Variants in REV3L observed in about 807,000 individuals in gnomAD.
The protein encoded by REV3L is REV3 like, DNA directed polymerase zeta catalytic subunit, also known as DNA polymerase zeta catalytic subunit.
REV3L carries 69 observed loss-of-function variants against 299.4 expected under a neutral mutation model. That is an observed-to-expected ratio of 0.23 (90% CI 0.19 to 0.28). REV3L has a LOEUF of 0.28. REV3L is among the 10% of genes least tolerant of loss of function. The pLI, the probability that REV3L is intolerant of heterozygous loss-of-function variation, is 1.00. For synonymous variants in REV3L, 1,238 were observed against 1,271.4 expected (o/e 0.97, Z 0.56); for missense variants, 3,128 against 3,693.8 (o/e 0.85, Z 3.97).
chr6:111,429,721 G>A (rs1307457211), intron 1 of REV3L, among the ~76,000 whole-genome samples: 4 of 152,178 alleles, frequency 2.6e-5, no homozygotes, highest in Admixed American at 6.5e-5. Flanking sequence ...GGCCTCGCGG[G>A]CCCCGCTCCC....
intron 1 of REV3L, among the ~76,000 whole-genome samples, chr6:111,428,682 A>AT (rs985836650): frequency 1.3e-5 from 2 of 152,138 alleles, no homozygotes; most frequent in African/African-American, 4.8e-5. Flanking sequence ...AGGAGAAAAA[A>AT]GAAAAAAACC....
rs368081692 is a variant in REV3L at position 111,305,122 on chromosome 6, G to A, written c.9252+2239C>T. ...ACGCCTGGCTAATTTTGTATTTTTA[G>A]TAGAGATGGAATTTCTCCATATTGG... On this transcript the variant is annotated intron_variant, in intron 31 of 31. Transcript: ENST00000368802. Among the ~76,000 whole-genome samples the A allele has an allele frequency of 1.7e-4, 26 of 151,824 alleles. No individual in the cohort carries two copies. In the East Asian group the frequency reaches 2.7e-3, roughly 16 times the overall value.
chr6:111,362,175 T>C (rs900358702), intron 16 of REV3L, among the ~76,000 whole-genome samples: 3 of 152,154 alleles, frequency 2.0e-5, no homozygotes, highest in Non-Finnish European at 2.9e-5. Context: ...CTTCAGGGGC[T>C]AGTATAGACC....
intron 16 of REV3L, among the ~76,000 whole-genome samples, chr6:111,360,470 C>CTTTTTTTT (rs71021836): frequency 7.7e-6 from 1 of 129,538 alleles, no homozygotes; most frequent in African/African-American, 3.2e-5. Flanking sequence ...GTTAAATAAT[C>CTTTTTTTT]TTTTTTTTTT....
At chr6:111,333,760 G>A (rs749772682) in intron 22 of REV3L, among the ~76,000 whole-genome samples, 4 of 152,142 alleles carry the variant, frequency 2.6e-5, no homozygotes, top group Admixed American at 6.6e-5. Context: ...ATAGGCGTGA[G>A]CCACTATGAC....
chr6:111,307,676 C>T (rs240998), intron 30 of REV3L, 106 bp from the exon 31 acceptor site: 159,993 of 1,027,072 alleles, frequency 0.16, 15,449 homozygotes, highest in East Asian at 0.39. Flanking sequence ...TTCGTTCATT[C>T]ACTCATTCAA....
At chr6:111,466,820 C>T (rs1437099145) in intron 1 of REV3L, among the ~76,000 whole-genome samples, 2 of 150,766 alleles carry the variant, frequency 1.3e-5, no homozygotes, top group East Asian at 1.9e-4. Flanking sequence ...CTAGCCTGGG[C>T]GACACAGTGA....
chr6:111,318,760 G>C (rs765150676), intron 26 of REV3L, among the ~76,000 whole-genome samples: 4 of 151,810 alleles, frequency 2.6e-5, no homozygotes, highest in Non-Finnish European at 4.4e-5. Context: ...AGTAGAGACG[G>C]GGTTTCTCCA....
chr6:111,347,998 T>C (rs1312236564), intron 20 of REV3L, among the ~76,000 whole-genome samples: 4 of 152,202 alleles, frequency 2.6e-5, no homozygotes, highest in Admixed American at 2.6e-4. Flanking sequence ...GACGGGGTTT[T>C]GCTGTGTTGC....
At position 111,483,072 on chromosome 6, in the gene REV3L, C is replaced by T. The variant is rs1793972364; in HGVS notation, c.-184G>A. Reference sequence around the variant, plus strand: ...GTGTAGGCGCTGCTGCCGCCGCCTCCTCAGGAGCACCCGGCAAGGGGCCGC... The same window carrying T: ...GTGTAGGCGCTGCTGCCGCCGCCTCTTCAGGAGCACCCGGCAAGGGGCCGC... On this transcript the variant is annotated 5_prime_UTR_variant, in exon 1 of 32. Transcript: ENST00000368802. 1 of 659,172 alleles carries T rather than the reference C, an allele frequency of 1.5e-6. No individual in the cohort carries two copies. Among genetic ancestry groups the T allele is most frequent in the Non-Finnish European group, 2.3e-6 (1 of 436,478 alleles). The allele number at this position is 659,172 out of a possible 1,614,324, so 40.8% of individuals were successfully genotyped here.
chr6:111,312,593 C>T (rs1316835547), intron 28 of REV3L: 3 of 152,230 alleles, frequency 2.0e-5, no homozygotes, highest in African/African-American at 7.2e-5. Context: ...GAGTCTCACT[C>T]TCTTGCCCAG....
intron 1 of REV3L, chr6:111,430,461 C>T (rs754377048): frequency 1.3e-6 from 2 of 1,541,000 alleles, no homozygotes; most frequent in Non-Finnish European, 1.8e-6. Flanking sequence ...TTACAATAAA[C>T]CAGAGACCAT....
At chr6:111,356,479 G>T (rs944854291) in intron 18 of REV3L, among the ~76,000 whole-genome samples, 4 of 152,064 alleles carry the variant, frequency 2.6e-5, no homozygotes, top group African/African-American at 9.7e-5. Context: ...TTTTTAAGGA[G>T]CTCTGTGCAC....
intron 1 of REV3L, among the ~76,000 whole-genome samples, chr6:111,452,638 G>GA (rs1789685267): frequency 6.6e-6 from 1 of 152,164 alleles, no homozygotes; most frequent in Non-Finnish European, 1.5e-5. Flanking sequence ...GAGGGACCAG[G>GA]AATAGCGAGA....
rs770402288 is a variant in REV3L, at chr6:111,416,432, G to A, written c.180C>T (p.Tyr60=). ...TCLHLHGIFP[Y]LYVPYDGYGQ... Reference sequence around the variant, plus strand: ...CATAACCATCGTATGGCACATAGAGGTAAGGAAAGATGCCATGTAGATGAA... The same window carrying A: ...CATAACCATCGTATGGCACATAGAGATAAGGAAAGATGCCATGTAGATGAA... Residue 60 remains tyrosine, a synonymous_variant, in exon 2 of 32, where the codon TAC becomes TAT. Coordinates refer to ENST00000368802, the MANE Select transcript of REV3L (RefSeq NM_001372078.1). 2 of 1,613,716 alleles carry A rather than the reference G, an allele frequency of 1.2e-6. No homozygotes were observed. The highest frequency in any genetic ancestry group is 1.7e-5 in the Admixed American group (1 of 60,004).
At chr6:111,437,225 T>G (rs1787658656) in intron 1 of REV3L, among the ~76,000 whole-genome samples, 1 of 152,094 alleles carries the variant, frequency 6.6e-6, no homozygotes, top group African/African-American at 2.4e-5. Flanking sequence ...GACCAGCAAT[T>G]CTACTCCTAG....
intron 1 of REV3L, among the ~76,000 whole-genome samples, chr6:111,470,396 T>C (rs1792051190): frequency 6.6e-6 from 1 of 152,230 alleles, no homozygotes; most frequent in South Asian, 2.1e-4. Flanking sequence ...AACATTATGC[T>C]GCATCACTTT....
chr6:111,429,824 A>G (rs1786667089), intron 1 of REV3L, among the ~76,000 whole-genome samples: 2 of 152,092 alleles, frequency 1.3e-5, no homozygotes, highest in South Asian at 4.1e-4. Flanking sequence ...GGACATGGAC[A>G]AGAAGCACAA....
intron 18 of REV3L, among the ~76,000 whole-genome samples, chr6:111,355,501 T>C (rs1279827015): frequency 1.3e-5 from 2 of 152,198 alleles, no homozygotes; most frequent in African/African-American, 4.8e-5. Context: ...CACTATAGAA[T>C]TGAAAAGTTG....
Sources: allele counts gnomAD v4.1 joint callset (sites outside exome capture counted in the v4.1 genomes callset), GRCh38; gene constraint gnomAD v4.1.1; transcripts MANE v1.5; gene names NCBI Gene and HGNC (gene_info 2026-07-23, HGNC 2026-07-21).